The following ACOX3 variants were observed in gnomAD, a reference collection of about 807,000 sequenced individuals.
The protein encoded by ACOX3 is peroxisomal acyl-coenzyme A oxidase 3.
A neutral mutation model predicts 81.5 loss-of-function variants in ACOX3; 73 were observed. The observed-to-expected ratio is 0.90, with a 90% CI of 0.74 to 1.09. The LOEUF (loss-of-function observed/expected upper bound fraction) is 1.09, where lower values mean the gene tolerates loss of function less well. ACOX3 is among the 50% of genes least tolerant of loss of function. ACOX3 has a pLI of 0.00. For synonymous variants in ACOX3, 387 were observed against 375.1 expected (o/e 1.03, Z -0.37); for missense variants, 947 against 928.0 (o/e 1.02, Z -0.27).
At position 8,415,913 on chromosome 4, in the gene ACOX3, C is replaced by T. The variant is rs1470482570; in HGVS notation, c.231G>A (p.Leu77=). 1.2e-6 allele frequency: 2 copies of T among 1,614,208 alleles called. No homozygotes were observed. Among genetic ancestry groups the T allele is most frequent in the Non-Finnish European group, 1.7e-6 (2 of 1,180,048 alleles). ...ADLSLEKYRE[L]NFLRCKRIFE... ...AGATCCGCTTGCATCGAAGGAAGTT[C>T]AGCTCGCGATACTTCTCCAAGGACA... is the stretch of plus-strand genomic sequence containing the variant. Residue 77 remains leucine, a synonymous_variant, in exon 3 of 18, where the codon CTG becomes CTA. Transcript: ENST00000356406.
the ACOX3 span, chr4:8,355,647 G>C: frequency 6.6e-6 from 1 of 152,220 alleles, no homozygotes; most frequent in Non-Finnish European, 1.5e-5. Context: ...TCAAAGGCTA[G>C]AGCATAAGAG....
downstream of ACOX3, among the ~76,000 whole-genome samples, chr4:8,365,967 G>A (rs534180817): frequency 6.6e-6 from 1 of 152,268 alleles, no homozygotes; most frequent in Admixed American, 6.5e-5. Flanking sequence ...GTGGTGATAC[G>A]AGTGTGGCCA....
intron 1 of ACOX3, among the ~76,000 whole-genome samples, chr4:8,433,865 C>A (rs1029768117): frequency 1.3e-5 from 2 of 152,156 alleles, no homozygotes; most frequent in African/African-American, 4.8e-5. Flanking sequence ...AGTATCCAAC[C>A]TTCTCTGTTC....
intron 9 of ACOX3, among the ~76,000 whole-genome samples, chr4:8,395,535 C>T (rs1306642570): frequency 1.3e-5 from 2 of 152,206 alleles, no homozygotes; most frequent in Non-Finnish European, 2.9e-5. Context: ...CCTCCATGCC[C>T]TAACTTTGTT....
downstream of ACOX3, among the ~76,000 whole-genome samples, chr4:8,361,920 A>G (rs549094655): frequency 6.6e-6 from 1 of 152,204 alleles, no homozygotes; most frequent in Non-Finnish European, 1.5e-5. Context: ...ATGTTCCAAA[A>G]GTATGGGAAA....
At position 8,419,109 on chromosome 4, in the gene ACOX3, T is replaced by C. The variant is rs1253569406; in HGVS notation, c.-14-2574A>G. ...TGAGCCCAGGAGTTTGAGACCAGCC[T>C]GGGTGATACAGCAAGACCTTATCTC... is the stretch of plus-strand genomic sequence containing the variant. On this transcript the variant is annotated intron_variant, in intron 1 of 17. Transcript: ENST00000356406. The surrounding 1 kb of genome is among the most constrained non-coding windows in gnomAD (Gnocchi z 4.2). Among the ~76,000 whole-genome samples the C allele has an allele frequency of 6.6e-6, 1 of 151,950 alleles. No individual in the cohort carries two copies. Among genetic ancestry groups the C allele is most frequent in the Non-Finnish European group, 1.5e-5 (1 of 67,994 alleles).
In ACOX3 at chr4:8,368,962, G is replaced by A. The variant is rs1715814611; in HGVS notation, c.1984-1882C>T. On this transcript the variant is annotated intron_variant, in intron 17 of 17. Transcript: ENST00000356406. This position sits in a 1 kb window ranked among gnomAD's most constrained non-coding sequence, Gnocchi z 5.9. ...TCCAAAGTGCTAGGATAACAGGTGT[G>A]AGCCACCATGCTCAGCCAGGAATGC... is the stretch of plus-strand genomic sequence containing the variant. Among the ~76,000 whole-genome samples, 1 of 152,140 alleles carries A rather than the reference G, an allele frequency of 6.6e-6. No individual in the cohort carries two copies. The highest frequency in any genetic ancestry group is 1.5e-5 in the Non-Finnish European group (1 of 68,030).
intron 9 of ACOX3, among the ~76,000 whole-genome samples, chr4:8,396,092 C>A (rs1578916453): frequency 6.6e-6 from 1 of 152,218 alleles, no homozygotes; most frequent in Non-Finnish European, 1.5e-5. Flanking sequence ...TGCTTTTCCA[C>A]GCTGCTGCCT....
At chr4:8,409,330 T>C (rs1034086993) in intron 6 of ACOX3, among the ~76,000 whole-genome samples, 7 of 151,898 alleles carry the variant, frequency 4.6e-5, no homozygotes, top group African/African-American at 1.7e-4. Context: ...GGATGTTTCT[T>C]TCTAAGGCAA....
chr4:8,355,524 A>G, the ACOX3 span: 6 of 152,360 alleles, frequency 3.9e-5, no homozygotes, highest in East Asian at 7.7e-4. Flanking sequence ...TCCTTGTCTC[A>G]TATCACACCT....
intron 3 of ACOX3, 137 bp downstream of exon 3, chr4:8,415,629 A>G: frequency 2.8e-6 from 2 of 706,194 alleles, no homozygotes; most frequent in Non-Finnish European, 4.6e-6. Flanking sequence ...ATTAAAAAAA[A>G]GATAATTTTT....
chr4:8,385,362 A>T lies in ACOX3; in HGVS notation c.1538-3755T>A, dbSNP rs1718184325. ...CTCACATGACCTCACTGTGCACTCC[A>T]CGTGACCTCACCACTCACCCCATGT... On this transcript the variant is annotated intron_variant, in intron 13 of 17. Coordinates refer to ENST00000356406, the MANE Select transcript of ACOX3 (RefSeq NM_003501.3). The surrounding 1 kb of genome is among the most constrained non-coding windows in gnomAD (Gnocchi z 5.5). Among the ~76,000 whole-genome samples the T allele has an allele frequency of 6.6e-6, 1 of 151,650 alleles. No individual in the cohort carries two copies. The highest frequency in any genetic ancestry group is 6.6e-5 in the Admixed American group (1 of 15,238).
intron 5 of ACOX3, among the ~76,000 whole-genome samples, chr4:8,411,474 G>A (rs1721716184): frequency 6.6e-6 from 1 of 152,208 alleles, no homozygotes; most frequent in Non-Finnish European, 1.5e-5. Context: ...TCTCTCAGGG[G>A]ACCACCAGCT....
At position 8,416,244 on chromosome 4, in the gene ACOX3, G is replaced by A. The variant is rs1163399746; in HGVS notation, c.144+134C>T. The A allele has an allele frequency of 1.4e-6, 2 of 1,447,210 alleles. No individual in the cohort carries two copies. The highest frequency in any genetic ancestry group is 1.9e-6 in the Non-Finnish European group (2 of 1,040,016). The allele number at this position is 1,447,210 out of a possible 1,614,324, so 89.6% of individuals were successfully genotyped here. A position where few individuals can be genotyped will look rare whatever the true frequency, so the allele number is the denominator to read the frequency against. On this transcript the variant is annotated intron_variant, in intron 2 of 17. Transcript: ENST00000356406. The surrounding 1 kb of genome is among the most constrained non-coding windows in gnomAD (Gnocchi z 4.2). Reference sequence around the variant, plus strand: ...TGAGGCCTGTCCTGGGGTGCAGAGAGGAGAGAGGCCGCGCTGCCTGGGATG... The same window carrying A: ...TGAGGCCTGTCCTGGGGTGCAGAGAAGAGAGAGGCCGCGCTGCCTGGGATG...
chr4:8,439,018 C>G (rs73089503), intron 1 of ACOX3: 3 of 152,136 alleles, frequency 2.0e-5, no homozygotes, highest in African/African-American at 7.2e-5. Flanking sequence ...TACGCATGGC[C>G]GAAGCTTGAG....
intron 16 of ACOX3, among the ~76,000 whole-genome samples, chr4:8,371,249 G>T (rs1439170567): frequency 6.6e-6 from 1 of 152,190 alleles, no homozygotes; most frequent in Non-Finnish European, 1.5e-5. Context: ...AGGTAGAAAA[G>T]GCCCTTAAAA....
chr4:8,409,474 T>C (rs1283324151), intron 6 of ACOX3, among the ~76,000 whole-genome samples: 2 of 147,200 alleles, frequency 1.4e-5, no homozygotes, highest in Non-Finnish European at 3.0e-5. Context: ...CTGTCTGCAC[T>C]GTGGGCAGGA....
At chr4:8,360,159 C>A in the ACOX3 span, among the ~76,000 whole-genome samples, 3 of 152,198 alleles carry the variant, frequency 2.0e-5, no homozygotes, top group Admixed American at 6.5e-5. Context: ...GGCCCAGGTT[C>A]AGGGTTCAAT....
chr4:8,432,546 T>A lies in ACOX3; in HGVS notation c.-15+8102A>T, dbSNP rs1333759361. ...CCGCGCCCGGCCTGATTTTTTTTTT[T>A]AATTATAAACCCAACATATTGAATT... On this transcript the variant is annotated intron_variant, in intron 1 of 17. Transcript: ENST00000356406. This position sits in a 1 kb window ranked among gnomAD's most constrained non-coding sequence, Gnocchi z 6.2. Among the ~76,000 whole-genome samples the A allele has an allele frequency of 9.9e-5, 15 of 152,258 alleles. No individual in the cohort carries two copies. The South Asian group carries it at 2.7e-3, about 27-fold the overall frequency.
Sources: allele counts gnomAD v4.1 joint callset (sites outside exome capture counted in the v4.1 genomes callset), GRCh38; gene constraint gnomAD v4.1.1; non-coding constraint Gnocchi (gnomAD v3.1); transcripts MANE v1.5; gene names NCBI Gene and HGNC (gene_info 2026-07-23, HGNC 2026-07-21).